The following GRIK4 variants were observed in gnomAD, a reference collection of about 807,000 sequenced individuals.
GRIK4 encodes glutamate ionotropic receptor kainate type subunit 4.
GRIK4 carries 40 observed loss-of-function variants against 104.9 expected under a neutral mutation model. The observed-to-expected ratio is 0.38, with a 90% CI of 0.30 to 0.50. The LOEUF (loss-of-function observed/expected upper bound fraction) is 0.50. GRIK4 is among the 20% of genes least tolerant of loss of function. The probability of loss-of-function intolerance (pLI) is 0.93; values close to 1 mark genes in which losing one functional copy is unlikely to be tolerated. For missense variants in GRIK4, 1,047 were observed against 1,308.1 expected (o/e 0.80, Z 3.08); for synonymous variants, 485 against 524.9 (o/e 0.92, Z 1.04).
intron 11 of GRIK4, among the ~76,000 whole-genome samples, chr11:120,890,914 T>C (rs566747826): frequency 6.6e-6 from 1 of 152,366 alleles, no homozygotes; most frequent in Admixed American, 6.5e-5. Context: ...AGCTGGATCC[T>C]GGCACTGCTG....
rs1237246114 is a variant in GRIK4, at chr11:120,868,204, A to G, written c.907-5862A>G. On this transcript the variant is annotated intron_variant, in intron 9 of 20. Transcript: ENST00000527524. ...CTCAGCCACAGCTCCCTGAGTCAGA[A>G]CTGATTCATCTTAATTTATACAGAG... The G allele has an allele frequency of 1.3e-5, 2 of 152,230 alleles. 1 individual carries two copies. Among genetic ancestry groups the G allele is most frequent in the Non-Finnish European group, 2.9e-5 (2 of 68,052 alleles). 9.4% of individuals were successfully genotyped at this position (152,230 alleles called of 1,614,324 possible). A position where few individuals can be genotyped will look rare whatever the true frequency, so the allele number is the denominator to read the frequency against.
chr11:120,635,162 T>C (rs1022039589), intron 1 of GRIK4, among the ~76,000 whole-genome samples: 3 of 152,200 alleles, frequency 2.0e-5, no homozygotes, highest in African/African-American at 4.8e-5. Flanking sequence ...CTGCCTGCCA[T>C]GAACTCTTGT....
At chr11:120,628,910 G>A (rs1417781801) in intron 1 of GRIK4, among the ~76,000 whole-genome samples, 2 of 152,182 alleles carry the variant, frequency 1.3e-5, no homozygotes, top group Non-Finnish European at 2.9e-5. Context: ...TATTAAGCAA[G>A]CAGTACTTGC....
intron 13 of GRIK4, among the ~76,000 whole-genome samples, chr11:120,924,991 T>G (rs1943310778): frequency 6.6e-6 from 1 of 152,186 alleles, no homozygotes; most frequent in African/African-American, 2.4e-5. Flanking sequence ...CTGTCCACTT[T>G]GTGGATCCAA....
intron 3 of GRIK4, among the ~76,000 whole-genome samples, chr11:120,681,260 G>GGTGC (rs1950188387): frequency 1.3e-5 from 2 of 151,764 alleles, no homozygotes; most frequent in Admixed American, 1.3e-4. Flanking sequence ...GAAAGCTCAG[G>GGTGC]GTGCAGGAGG....
intron 4 of GRIK4, among the ~76,000 whole-genome samples, chr11:120,808,533 G>A (rs1236709147): frequency 3.3e-5 from 5 of 152,168 alleles, no homozygotes; most frequent in Admixed American, 1.3e-4. Flanking sequence ...AGGCGATGGC[G>A]GTCTTGAGTT....
chr11:120,745,506 G>T (rs1394557226), intron 3 of GRIK4, among the ~76,000 whole-genome samples: 1 of 152,128 alleles, frequency 6.6e-6, no homozygotes, highest in Non-Finnish European at 1.5e-5. Flanking sequence ...TTCCCCTTTA[G>T]GTGGACATAT....
At chr11:120,706,560 G>A (rs1038643413) in intron 3 of GRIK4, among the ~76,000 whole-genome samples, 4 of 152,166 alleles carry the variant, frequency 2.6e-5, no homozygotes, top group Admixed American at 1.3e-4. Flanking sequence ...CCAGGTGAGG[G>A]GCTGTTGGTG....
At chr11:120,724,786 C>A (rs1030308503) in intron 3 of GRIK4, among the ~76,000 whole-genome samples, 2 of 152,282 alleles carry the variant, frequency 1.3e-5, no homozygotes, top group African/African-American at 4.8e-5. Context: ...CAAGACTATA[C>A]TTTGTTTTGT....
chr11:120,777,833 A>T (rs989098877), intron 3 of GRIK4, among the ~76,000 whole-genome samples: 1 of 151,060 alleles, frequency 6.6e-6, no homozygotes, highest in African/African-American at 2.4e-5. Flanking sequence ...GCTATTTGGG[A>T]GGCTGAGGCA....
At chr11:120,740,947 A>G (rs1951317538) in intron 3 of GRIK4, among the ~76,000 whole-genome samples, 1 of 151,984 alleles carries the variant, frequency 6.6e-6, no homozygotes, top group Non-Finnish European at 1.5e-5. Context: ...GTCCAACCCT[A>G]CCTCACATTT....
intron 3 of GRIK4, among the ~76,000 whole-genome samples, chr11:120,745,321 A>G (rs952714467): frequency 6.6e-6 from 1 of 152,144 alleles, no homozygotes; most frequent in African/African-American, 2.4e-5. Context: ...TTTATACTAA[A>G]TCTATAAATT....
chr11:120,892,999 C>A (rs1480963451), intron 11 of GRIK4, among the ~76,000 whole-genome samples: 2 of 152,166 alleles, frequency 1.3e-5, no homozygotes, highest in Admixed American at 6.5e-5. Context: ...GACAAATTAA[C>A]GTATAAAAGC....
intron 3 of GRIK4, among the ~76,000 whole-genome samples, chr11:120,675,596 T>G (rs1438905360): frequency 6.6e-6 from 1 of 152,186 alleles, no homozygotes; most frequent in Non-Finnish European, 1.5e-5. Context: ...AATAGTAGTT[T>G]GCTCAAGCAA....
At chr11:120,627,608 G>A (rs1225767674) in intron 1 of GRIK4, among the ~76,000 whole-genome samples, 1 of 152,332 alleles carries the variant, frequency 6.6e-6, no homozygotes, top group Non-Finnish European at 1.5e-5. Flanking sequence ...CTGGGGCCCA[G>A]GAGGCAGGCC....
intron 1 of GRIK4, among the ~76,000 whole-genome samples, chr11:120,618,466 G>T (rs527307436): frequency 1.3e-5 from 2 of 152,336 alleles, no homozygotes; most frequent in African/African-American, 4.8e-5. Context: ...ATTCAAGCAG[G>T]CTGTACAAAT....
chr11:120,558,016 T>A lies in GRIK4; in HGVS notation c.-159+46129T>A, dbSNP rs1249199291. 4.2e-3 allele frequency among the ~76,000 whole-genome samples: 252 copies of A among 59,756 alleles called. 1 individual carries two copies. Among genetic ancestry groups the A allele is most frequent in the African/African-American group, 0.019 (242 of 12,588 alleles). 39.2% of individuals were successfully genotyped at this position (59,756 alleles called of 152,430 possible). ...CTGGGCGACAGAGCGAGACTCCGTC[T>A]CAAAAAAAAAAAAAAAAAAAAAAAA... is the stretch of plus-strand genomic sequence containing the variant. On this transcript the variant is annotated intron_variant, in intron 1 of 20. Coordinates refer to ENST00000527524, the MANE Select transcript of GRIK4 (RefSeq NM_014619.5).
intron 3 of GRIK4, among the ~76,000 whole-genome samples, chr11:120,705,068 A>T (rs868223015): frequency 3.9e-5 from 6 of 152,196 alleles, no homozygotes; most frequent in African/African-American, 1.4e-4. Flanking sequence ...ATCCTATGCC[A>T]ATAACACACT....
chr11:120,940,280 G>A lies in GRIK4; in HGVS notation c.1477-67G>A, dbSNP rs1943691539. On this transcript the variant is annotated intron_variant, in intron 13 of 20. Coordinates refer to ENST00000527524, the MANE Select transcript of GRIK4 (RefSeq NM_014619.5). This position sits in a 1 kb window ranked among gnomAD's most constrained non-coding sequence, Gnocchi z 4.3. ...ATCTCCAATAGCAGTGACGGTTGCTGGTCGCAAGTCTCTGTGCCTCTTCTC... is the reference window on the plus strand; with the variant it reads ...ATCTCCAATAGCAGTGACGGTTGCTAGTCGCAAGTCTCTGTGCCTCTTCTC... 9.7e-6 allele frequency: 9 copies of A among 928,754 alleles called. No homozygotes were observed. The highest frequency in any genetic ancestry group is 1.4e-5 in the Non-Finnish European group (8 of 575,302). The allele number at this position is 928,754 out of a possible 1,614,324, so 57.5% of individuals were successfully genotyped here. A position where few individuals can be genotyped will look rare whatever the true frequency, so the allele number is the denominator to read the frequency against.
Sources: allele counts gnomAD v4.1 joint callset (sites outside exome capture counted in the v4.1 genomes callset), GRCh38; gene constraint gnomAD v4.1.1; non-coding constraint Gnocchi (gnomAD v3.1); transcripts MANE v1.5; gene names NCBI Gene and HGNC (gene_info 2026-07-23, HGNC 2026-07-21).